RNGTT: variants seen among roughly 807,000 people sequenced by gnomAD.
RNGTT encodes the protein RNA guanylyltransferase and 5'-phosphatase, also known as mRNA-capping enzyme.
Under a neutral mutation model 79.3 loss-of-function variants are expected in RNGTT, and 33 were observed. The ratio of observed to expected loss-of-function variants is 0.42; its 90% CI spans 0.32 to 0.56. The LOEUF is 0.56. RNGTT is among the 20% of genes least tolerant of loss of function. The probability of loss-of-function intolerance (pLI) is 0.17; values close to 1 mark genes in which losing one functional copy is unlikely to be tolerated. For synonymous variants in RNGTT, 222 were observed against 235.9 expected (o/e 0.94, Z 0.54); for missense variants, 497 against 739.1 (o/e 0.67, Z 3.80).
rs1043149028 is a variant in RNGTT, at chr6:88,747,665, A to G, written c.1439+22109T>C. ...GTTGGGAAGAAAGCCTGGACATAAA[A>G]TAGGACAAACTGCAATGCCTGAGAA... On this transcript the variant is annotated intron_variant, in intron 13 of 15. Transcript: ENST00000369485. Among the ~76,000 whole-genome samples, 11 of 152,336 alleles carry G rather than the reference A, an allele frequency of 7.2e-5. No individual in the cohort carries two copies. The South Asian group carries it at 1.7e-3, about 23-fold the overall frequency.
At chr6:88,949,164 A>AAAAAAAAAAAAAAAAAAAAAC (rs1785152035) in intron 1 of RNGTT, among the ~76,000 whole-genome samples, 1 of 143,612 alleles carries the variant, frequency 7.0e-6, no homozygotes. Context: ...AAAATGAAAA[A>AAAAAAAAAAAAAAAAAAAAAC]AAAAAAAAAA....
intron 1 of RNGTT, among the ~76,000 whole-genome samples, chr6:88,959,121 T>C (rs981820343): frequency 6.6e-6 from 1 of 151,930 alleles, no homozygotes; most frequent in African/African-American, 2.4e-5. Context: ...GAAACCCAAA[T>C]ATCCTGTGTT....
chr6:88,800,767 C>A, intron 12 of RNGTT, among the ~76,000 whole-genome samples: 1 of 152,172 alleles, frequency 6.6e-6, no homozygotes, highest in East Asian at 1.9e-4. Flanking sequence ...AAAACACCGT[C>A]CTACAGAACA....
intron 13 of RNGTT, among the ~76,000 whole-genome samples, chr6:88,711,487 T>TA (rs1776316789): frequency 6.6e-6 from 1 of 152,226 alleles, no homozygotes; most frequent in South Asian, 2.1e-4. Context: ...ACTTTACAGT[T>TA]ATATAGACTC....
intron 11 of RNGTT, among the ~76,000 whole-genome samples, chr6:88,808,393 C>T (rs887086496): frequency 6.6e-6 from 1 of 151,748 alleles, no homozygotes; most frequent in African/African-American, 2.4e-5. Context: ...ATCTAATAGG[C>T]CCAAAAAGTG....
rs867663466 is a variant in RNGTT, at chr6:88,963,226, A to C, written c.64+120T>G. 1.5e-5 allele frequency: 15 copies of C among 990,026 alleles called. No homozygotes were observed. The Middle Eastern group carries it at 2.9e-3, about 194-fold the overall frequency. 61.3% of individuals were successfully genotyped at this position (990,026 alleles called of 1,614,324 possible). A position where few individuals can be genotyped will look rare whatever the true frequency, so the allele number is the denominator to read the frequency against. ...TCCACGAAGCGTAATCCGACGGAGC[A>C]TATCCCGCTCCTGAAATACCACTAA... On this transcript the variant is annotated intron_variant, in intron 1 of 15. Transcript: ENST00000369485.
intron 8 of RNGTT, among the ~76,000 whole-genome samples, chr6:88,862,340 G>A (rs1341355332): frequency 1.3e-5 from 2 of 152,066 alleles, no homozygotes; most frequent in East Asian, 1.9e-4. Flanking sequence ...ACTCCCTCAC[G>A]CCTACATAAT....
chr6:88,917,125 T>C (rs779012286), intron 4 of RNGTT, among the ~76,000 whole-genome samples: 4 of 152,216 alleles, frequency 2.6e-5, no homozygotes, highest in Non-Finnish European at 5.9e-5. Context: ...TGTCAGTCTC[T>C]TTCTTTGGTT....
chr6:88,817,980 C>T (rs1169629180), intron 11 of RNGTT, among the ~76,000 whole-genome samples: 2 of 151,442 alleles, frequency 1.3e-5, no homozygotes, highest in Non-Finnish European at 2.9e-5. Flanking sequence ...AAGATGGTCT[C>T]GATCTCCTGA....
At chr6:88,724,076 A>G (rs1776802503) in intron 13 of RNGTT, among the ~76,000 whole-genome samples, 2 of 152,238 alleles carry the variant, frequency 1.3e-5, no homozygotes, top group Admixed American at 6.5e-5. Context: ...AAGGTTTAAA[A>G]AAAAATCCTA....
chr6:88,912,345 G>A (rs1217540913), intron 4 of RNGTT, among the ~76,000 whole-genome samples: 1 of 152,140 alleles, frequency 6.6e-6, no homozygotes, highest in Admixed American at 6.5e-5. Flanking sequence ...GGAGCTTGAG[G>A]CTGCTGTGAG....
intron 11 of RNGTT, among the ~76,000 whole-genome samples, chr6:88,826,788 GA>G (rs1189448559): frequency 1.1e-3 from 76 of 69,728 alleles, no homozygotes; most frequent in African/African-American, 2.2e-3. Context: ...TGTCTCAAAA[GA>G]AAAAAAAAAA....
At chr6:88,742,838 T>A (rs547385301) in intron 13 of RNGTT, among the ~76,000 whole-genome samples, 1 of 152,284 alleles carries the variant, frequency 6.6e-6, no homozygotes, top group East Asian at 1.9e-4. Flanking sequence ...GAATTATAGT[T>A]CGGAAGAAAA....
At chr6:88,674,115 G>C (rs184129358) in intron 14 of RNGTT, among the ~76,000 whole-genome samples, 1 of 149,732 alleles carries the variant, frequency 6.7e-6, no homozygotes, top group Admixed American at 6.6e-5. Context: ...TAAGGAACTA[G>C]AAAAGTCAAG....
intron 14 of RNGTT, among the ~76,000 whole-genome samples, chr6:88,663,375 G>C (rs1774262679): frequency 6.6e-6 from 1 of 152,132 alleles, no homozygotes; most frequent in Non-Finnish European, 1.5e-5. Context: ...TAGTTTCAAA[G>C]GTATGGCACA....
intron 13 of RNGTT, among the ~76,000 whole-genome samples, chr6:88,757,495 A>T (rs1194208469): frequency 6.6e-6 from 1 of 152,196 alleles, no homozygotes; most frequent in Non-Finnish European, 1.5e-5. Context: ...TATGGGGTAG[A>T]GCTAGTAAAG....
chr6:88,814,722 G>A (rs1473784010), intron 11 of RNGTT, among the ~76,000 whole-genome samples: 1 of 151,942 alleles, frequency 6.6e-6, no homozygotes, highest in Non-Finnish European at 1.5e-5. Context: ...ACATAATGCA[G>A]TAAAAATACA....
At chr6:88,888,569 C>A (rs1365167988) in intron 8 of RNGTT, among the ~76,000 whole-genome samples, 2 of 152,128 alleles carry the variant, frequency 1.3e-5, no homozygotes, top group Non-Finnish European at 2.9e-5. Context: ...TGCAAGCACA[C>A]AAGGCACATT....
chr6:88,929,230 G>T lies in RNGTT; in HGVS notation c.212C>A (p.Ser71Ter). ...TATGTCATTTCGGTCATAGAACCTT[G>T]AAGTATTTGTCAGGTCCACCAACAA... is the stretch of plus-strand genomic sequence containing the variant. ...MGLLVDLTNT[S>*]RFYDRNDIEK... Residue 71 changes from serine to a stop codon, truncating the protein, a stop_gained, in exon 3 of 16, where the codon TCA becomes TAA. Coordinates refer to ENST00000369485, the MANE Select transcript of RNGTT (RefSeq NM_003800.5). LOFTEE classifies it high-confidence loss of function. The T allele has an allele frequency of 1.2e-6, 2 of 1,601,822 alleles. No individual in the cohort carries two copies. The highest frequency in any genetic ancestry group is 1.7e-6 in the Non-Finnish European group (2 of 1,174,044).
Sources: gnomAD v4.1 joint callset for allele counts (sites outside exome capture counted in the v4.1 genomes callset) on GRCh38, gnomAD v4.1.1 for gene constraint, MANE v1.5 for transcripts, NCBI Gene and HGNC (gene_info 2026-07-23, HGNC 2026-07-21) for gene names.